Variants in ACVR2A observed in about 807,000 individuals in gnomAD.
ACVR2A encodes the protein activin A receptor type 2A, also known as activin receptor type-2A.
In ACVR2A, 7 loss-of-function variants were observed where a neutral mutation model predicts 61.4. The observed-to-expected ratio is 0.11, with a 90% CI of 0.06 to 0.21. The LOEUF (loss-of-function observed/expected upper bound fraction) is 0.21. Ranked by LOEUF, ACVR2A falls within the 10% of genes least tolerant of loss-of-function variation. The pLI, the probability that ACVR2A is intolerant of heterozygous loss-of-function variation, is 1.00. For missense variants in ACVR2A, 322 were observed against 621.7 expected, an observed-to-expected ratio of 0.52 and a Z score of 5.13; for synonymous variants, 193 against 208.3, an observed-to-expected ratio of 0.93 and a Z score of 0.63.
At chr2:147,905,858 G>GTTC (rs1300491234) in intron 4 of ACVR2A, among the ~76,000 whole-genome samples, 1 of 152,072 alleles carries the variant, frequency 6.6e-6, no homozygotes, top group East Asian at 1.9e-4. Context: ...AGGGAGGAAG[G>GTTC]GGAGAAAGTA....
chr2:147,900,656 A>AGT (rs1686850719), intron 4 of ACVR2A: 1 of 152,026 alleles, frequency 6.6e-6, no homozygotes, highest in African/African-American at 2.4e-5. Context: ...TTTTCATGGA[A>AGT]GTAGTTAGTA....
intron 1 of ACVR2A, among the ~76,000 whole-genome samples, chr2:147,882,239 C>T (rs1392868689): frequency 6.6e-6 from 1 of 152,122 alleles, no homozygotes; most frequent in Non-Finnish European, 1.5e-5. Flanking sequence ...TGTAATTTGT[C>T]AGGAATTAAC....
chr2:147,908,073 A>T (rs1377979558), intron 4 of ACVR2A, among the ~76,000 whole-genome samples: 1 of 151,474 alleles, frequency 6.6e-6, no homozygotes, highest in East Asian at 1.9e-4. Flanking sequence ...AGAAAAAAAA[A>T]GCAAAGTAGG....
chr2:147,911,145 G>A (rs1434468716), intron 4 of ACVR2A, among the ~76,000 whole-genome samples: 7 of 152,078 alleles, frequency 4.6e-5, no homozygotes, highest in African/African-American at 1.2e-4. Context: ...CTCTAGTGTC[G>A]AGAAGGCAAT....
intron 5 of ACVR2A, among the ~76,000 whole-genome samples, chr2:147,916,882 T>G (rs1300483271): frequency 6.6e-6 from 1 of 151,912 alleles, no homozygotes; most frequent in Non-Finnish European, 1.5e-5. Context: ...AGTTTTCTAT[T>G]TAGAGGAAGT....
rs1245029610 is a variant in ACVR2A, at chr2:147,929,736, A to C, written c.*2462A>C. On this transcript the variant is annotated 3_prime_UTR_variant, in exon 11 of 11. Transcript: ENST00000241416. ...AGTTTGAGCTAGAGATACTGGAAAA[A>C]AAAAAGATCAAAGAATGAGAAAAAT... The C allele has an allele frequency of 1.3e-5, 2 of 152,236 alleles. No individual in the cohort carries two copies. Among genetic ancestry groups the C allele is most frequent in the Admixed American group, 1.3e-4 (2 of 15,176 alleles). 9.4% of individuals were successfully genotyped at this position (152,236 alleles called of 1,614,324 possible).
At chr2:147,879,624 T>C (rs952521555) in intron 1 of ACVR2A, among the ~76,000 whole-genome samples, 2 of 152,160 alleles carry the variant, frequency 1.3e-5, no homozygotes, top group Non-Finnish European at 2.9e-5. Flanking sequence ...ACTTGTCTCA[T>C]GTGAGTTGAG....
At chr2:147,880,858 T>C (rs566291785) in intron 1 of ACVR2A, among the ~76,000 whole-genome samples, 2 of 152,306 alleles carry the variant, frequency 1.3e-5, no homozygotes, top group African/African-American at 4.8e-5. Context: ...TCTTGTAGCA[T>C]GTCACCAGAA....
rs879234084 is a variant in ACVR2A at position 147,926,047 on chromosome 2, C to T, written c.1233C>T (p.Tyr411=). Residue 411 remains tyrosine, a synonymous_variant, in exon 10 of 11, where the codon TAC becomes TAT. Transcript: ENST00000241416. ...CTAADGPVDE[Y]MLPFEEEIGQ... Reference sequence around the variant, plus strand: ...ACTTTTCAGGACCTGTAGATGAATACATGTTGCCATTTGAGGAGGAAATTG... The same window carrying T: ...ACTTTTCAGGACCTGTAGATGAATATATGTTGCCATTTGAGGAGGAAATTG... 5 of 1,611,314 alleles carry T rather than the reference C, an allele frequency of 3.1e-6. No individual in the cohort carries two copies. The highest frequency in any genetic ancestry group is 1.3e-5 in the African/African-American group (1 of 74,836).
intron 1 of ACVR2A, among the ~76,000 whole-genome samples, chr2:147,867,901 T>C (rs1301806132): frequency 6.6e-6 from 1 of 152,220 alleles, no homozygotes; most frequent in African/African-American, 2.4e-5. Context: ...CTTGTGCCTC[T>C]ACACTCCGCT....
intron 1 of ACVR2A, among the ~76,000 whole-genome samples, chr2:147,860,881 A>G (rs1000310328): frequency 2.0e-5 from 3 of 152,158 alleles, no homozygotes; most frequent in Non-Finnish European, 4.4e-5. Flanking sequence ...CCCCTACAGT[A>G]TTGCTTACCA....
At chr2:147,851,024 T>C (rs947734373) in intron 1 of ACVR2A, among the ~76,000 whole-genome samples, 9 of 152,132 alleles carry the variant, frequency 5.9e-5, no homozygotes, top group African/African-American at 9.7e-5. Flanking sequence ...TTATGTATCA[T>C]TTTCTGTTAC....
Position 147,917,386 on chromosome 2 carries a change from T to G in ACVR2A, c.776T>G (p.Val259Gly). ...FIGAEKRGTS[V>G]DVDLWLITAF... Reference sequence around the variant, plus strand: ...GGTGCAGAAAAACGAGGCACCAGTGTTGATGTGGATCTTTGGCTGATCACA... The same window carrying G: ...GGTGCAGAAAAACGAGGCACCAGTGGTGATGTGGATCTTTGGCTGATCACA... The change falls in exon 6 of 11, where the codon GTT becomes GGT. Residue 259 changes from valine to glycine, a missense_variant. Around this residue, in one of 3 missense-constraint regions of ACVR2A, gnomAD observed 146 missense variants for 383.8 expected, o/e 0.38. Transcript: ENST00000241416. 1 of 1,612,458 alleles carries G rather than the reference T, an allele frequency of 6.2e-7. No homozygotes were observed. The highest frequency in any genetic ancestry group is 8.5e-7 in the Non-Finnish European group (1 of 1,178,920).
intron 4 of ACVR2A, among the ~76,000 whole-genome samples, chr2:147,906,380 C>A (rs1289797961): frequency 3.9e-5 from 6 of 152,100 alleles, no homozygotes; most frequent in Admixed American, 3.3e-4. Flanking sequence ...ACTTGCTTCA[C>A]CTTCTGGGGC....
At chr2:147,888,005 G>A (rs1686485506) in intron 1 of ACVR2A, among the ~76,000 whole-genome samples, 2 of 152,324 alleles carry the variant, frequency 1.3e-5, no homozygotes, top group African/African-American at 2.4e-5. Flanking sequence ...GGATAATAGA[G>A]TGAGGACATT....
At position 147,929,698 on chromosome 2, in the gene ACVR2A, C is replaced by CAA. The variant is rs1687612126; in HGVS notation, c.*2425_*2426dup. 6.6e-6 allele frequency: 1 copy of CAA among 151,164 alleles called. No homozygotes were observed. The highest frequency in any genetic ancestry group is 2.4e-5 in the African/African-American group (1 of 40,958). 9.4% of individuals were successfully genotyped at this position (151,164 alleles called of 1,614,324 possible). A position where few individuals can be genotyped will look rare whatever the true frequency, so the allele number is the denominator to read the frequency against. Reference sequence around the variant, plus strand: ...TGGTTTACAGTCAGTGCAGAGTGGGCAAGTTAACAGAAAGTTTGAGCTAGA... The same window carrying CAA: ...TGGTTTACAGTCAGTGCAGAGTGGGCAAAAGTTAACAGAAAGTTTGAGCTAGA... On this transcript the variant is annotated 3_prime_UTR_variant, in exon 11 of 11. Transcript: ENST00000241416.
chr2:147,853,213 T>C (rs1486279882), intron 1 of ACVR2A, among the ~76,000 whole-genome samples: 1 of 152,128 alleles, frequency 6.6e-6, no homozygotes, highest in Admixed American at 6.5e-5. Flanking sequence ...TAAAGACATG[T>C]ATTTGGAAAA....
chr2:147,918,075 G>A (rs949887448), intron 6 of ACVR2A, among the ~76,000 whole-genome samples: 7 of 150,686 alleles, frequency 4.6e-5, no homozygotes, highest in African/African-American at 1.7e-4. Flanking sequence ...TTGTTATTTT[G>A]TGTTCTGCTA....
Position 147,848,816 on chromosome 2 carries a change from T to TA in ACVR2A, c.55+3618dup, listed in dbSNP as rs1005547009. Among the ~76,000 whole-genome samples the TA allele has an allele frequency of 4.0e-5, 6 of 149,872 alleles. No homozygotes were observed. In the South Asian group the frequency reaches 6.4e-4, roughly 16 times the overall value. On this transcript the variant is annotated intron_variant, in intron 1 of 10. Coordinates refer to ENST00000241416, the MANE Select transcript of ACVR2A (RefSeq NM_001616.5). ...GTACCCCCAAACCTAAAATACAAAT[T>TA]AAAAAAAAAGGAAAAACTCAGTTCT... is the stretch of plus-strand genomic sequence containing the variant.
Sources: gnomAD v4.1 joint callset for allele counts (sites outside exome capture counted in the v4.1 genomes callset) on GRCh38, gnomAD v4.1.1 for gene constraint, gnomAD v4.1.1 regional missense constraint, MANE v1.5 for transcripts, NCBI Gene and HGNC (gene_info 2026-07-23, HGNC 2026-07-21) for gene names.